GPR89A: variants seen among roughly 807,000 people sequenced by gnomAD.
GPR89A encodes golgi pH regulator A, also known as G protein-coupled receptor 89A.
A neutral mutation model predicts 52.0 loss-of-function variants in GPR89A; 16 were observed. That is an observed-to-expected ratio of 0.31 (90% confidence interval 0.21 to 0.47). The LOEUF is 0.47. Ranked by LOEUF, GPR89A falls within the 20% of genes least tolerant of loss-of-function variation. The pLI, the probability that GPR89A is intolerant of heterozygous loss-of-function variation, is 1.00. For missense variants in GPR89A, 135 were observed against 449.4 expected, an observed-to-expected ratio of 0.30 and a Z score of 6.33; for synonymous variants, 55 against 150.9, an observed-to-expected ratio of 0.36 and a Z score of 4.66.
At chr1:145,662,302 A>G (rs1652256575) in intron 10 of GPR89A, among the ~76,000 whole-genome samples, 1 of 152,022 alleles carries the variant, frequency 6.6e-6, no homozygotes, top group African/African-American at 2.4e-5. Context: ...ATCATTGTGT[A>G]CCCCTTGTTG....
At chr1:145,646,451 G>A in intron 9 of GPR89A, 179 bp downstream of exon 9, 1 of 539,318 alleles carries the variant, frequency 1.9e-6, no homozygotes, top group East Asian at 3.2e-5. Flanking sequence ...CCTGTCACTA[G>A]CAAAATCCTT....
In GPR89A at chr1:145,638,800, A is replaced by G. The variant is rs1485765479; in HGVS notation, c.618-5069A>G. ...GGAAAAAAAAAGTAATGGTTATTCAACAACATTGTAGAATACCAAATGAAC... is the reference window on the plus strand; with the variant it reads ...GGAAAAAAAAAGTAATGGTTATTCAGCAACATTGTAGAATACCAAATGAAC... On this transcript the variant is annotated intron_variant, in intron 7 of 13. Transcript: ENST00000313835. Among the ~76,000 whole-genome samples, 4 of 95,836 alleles carry G rather than the reference A, an allele frequency of 4.2e-5. 1 individual carries two copies. The highest frequency in any genetic ancestry group is 1.4e-4 in the African/African-American group (3 of 21,676). The allele number at this position is 95,836 out of a possible 152,430, so 62.9% of individuals were successfully genotyped here.
At chr1:145,609,995 C>A (rs1199742580) in intron 1 of GPR89A, among the ~76,000 whole-genome samples, 3 of 152,086 alleles carry the variant, frequency 2.0e-5, no homozygotes, top group Admixed American at 6.6e-5. Flanking sequence ...GTTTTATTTT[C>A]TTCTTGGCAT....
chr1:145,665,820 C>T (rs1378055199), intron 12 of GPR89A, among the ~76,000 whole-genome samples, 169 bp downstream of exon 12: 1 of 143,376 alleles, frequency 7.0e-6, no homozygotes, highest in Non-Finnish European at 1.5e-5. Context: ...TGGTGAAACC[C>T]CATCTCTACT....
intron 10 of GPR89A, 138 bp downstream of exon 10, chr1:145,647,405 C>G: frequency 8.8e-7 from 1 of 1,132,996 alleles, no homozygotes. Flanking sequence ...TCTTCCACAT[C>G]TCTGGGCTTC....
At chr1:145,641,339 T>A (rs1453140234) in intron 7 of GPR89A, among the ~76,000 whole-genome samples, 1 of 151,926 alleles carries the variant, frequency 6.6e-6, no homozygotes, top group Non-Finnish European at 1.5e-5. Flanking sequence ...GTTGCCAGAA[T>A]TAAGGAATTG....
At chr1:145,611,052 A>C (rs781812400) in intron 1 of GPR89A, among the ~76,000 whole-genome samples, 1 of 152,028 alleles carries the variant, frequency 6.6e-6, no homozygotes, top group Non-Finnish European at 1.5e-5. Flanking sequence ...CTTCCATTTT[A>C]TTTGCAAAGC....
intron 10 of GPR89A, among the ~76,000 whole-genome samples, chr1:145,648,736 C>T (rs1425448427): frequency 6.6e-6 from 1 of 151,752 alleles, no homozygotes; most frequent in Non-Finnish European, 1.5e-5. Context: ...CCGTCTCAGC[C>T]TCCCAAAGTG....
chr1:145,617,155 C>T (rs1293026785), intron 2 of GPR89A, among the ~76,000 whole-genome samples: 1 of 152,084 alleles, frequency 6.6e-6, no homozygotes, highest in Non-Finnish European at 1.5e-5. Flanking sequence ...GACAGACACT[C>T]CCAGAGCGGC....
chr1:145,656,369 C>G (rs1651808600), intron 10 of GPR89A, among the ~76,000 whole-genome samples: 1 of 151,958 alleles, frequency 6.6e-6, no homozygotes, highest in Admixed American at 6.6e-5. Flanking sequence ...GGGCAGGGTG[C>G]CACAATCACT....
chr1:145,608,289 G>C (rs1378216447), intron 1 of GPR89A, 114 bp downstream of exon 1: 4 of 1,439,684 alleles, frequency 2.8e-6, no homozygotes, highest in Non-Finnish European at 2.9e-6. Context: ...TACGCGTCCT[G>C]CGCTAGTCAC....
chr1:145,612,599 T>C (rs1404949780), intron 1 of GPR89A, among the ~76,000 whole-genome samples: 1 of 152,224 alleles, frequency 6.6e-6, no homozygotes, highest in Admixed American at 6.5e-5. Context: ...CAAACCACTG[T>C]ACTGAGTTTT....
chr1:145,654,246 G>T (rs201461630), intron 10 of GPR89A, among the ~76,000 whole-genome samples: 37 of 150,002 alleles, frequency 2.5e-4, no homozygotes, highest in East Asian at 7.8e-4. Flanking sequence ...ATTCTGGGTT[G>T]GAAATTCTTT....
At chr1:145,626,846 G>A (rs1559030089) in intron 5 of GPR89A, among the ~76,000 whole-genome samples, 1 of 149,974 alleles carries the variant, frequency 6.7e-6, no homozygotes, top group Non-Finnish European at 1.5e-5. Flanking sequence ...GCTACTCCCC[G>A]GAGGCCGGAG....
At chr1:145,639,828 G>A (rs1231611300) in intron 7 of GPR89A, among the ~76,000 whole-genome samples, 1 of 151,172 alleles carries the variant, frequency 6.6e-6, no homozygotes, top group East Asian at 2.0e-4. Context: ...AAGCAGTTCA[G>A]TGGAGGAAAG....
intron 10 of GPR89A, among the ~76,000 whole-genome samples, chr1:145,657,280 A>G (rs1197935879): frequency 2.0e-5 from 3 of 148,416 alleles, no homozygotes; most frequent in African/African-American, 7.7e-5. Flanking sequence ...GTTCCCAGCT[A>G]CTCAGGAGGC....
intron 1 of GPR89A, among the ~76,000 whole-genome samples, chr1:145,615,393 G>A (rs1553686781): frequency 6.6e-6 from 1 of 151,588 alleles, no homozygotes; most frequent in Non-Finnish European, 1.5e-5. Flanking sequence ...GCCCAGGCTG[G>A]AGCGCAGTGG....
At chr1:145,647,829 TCTCTCTCTCTCTCTCCTCCTC>T (rs1651127040) in intron 10 of GPR89A, among the ~76,000 whole-genome samples, 4 of 702 alleles carry the variant, frequency 5.7e-3, no homozygotes, top group African/African-American at 7.1e-3. Flanking sequence ...CGTCGTCGAC[TCTCTCTCTCTCTCTCCTCCTC>T]CTCTCTCTCT....
At chr1:145,662,727 G>A (rs1652287812) in intron 10 of GPR89A, among the ~76,000 whole-genome samples, 1 of 152,146 alleles carries the variant, frequency 6.6e-6, no homozygotes, top group African/African-American at 2.4e-5. Flanking sequence ...CACCTATTAT[G>A]CAGACCATTT....
Sources: allele counts gnomAD v4.1 joint callset (sites outside exome capture counted in the v4.1 genomes callset), GRCh38; gene constraint gnomAD v4.1.1; transcripts MANE v1.5; gene names NCBI Gene and HGNC (gene_info 2026-07-23, HGNC 2026-07-21).